Variants in EXTL3 observed in about 807,000 individuals in gnomAD.
EXTL3 encodes exostosin-like 3.
Under a neutral mutation model 69.3 loss-of-function variants are expected in EXTL3, and 27 were observed. That is an observed-to-expected ratio of 0.39 (90% CI 0.29 to 0.54). The LOEUF is 0.54. Ranked by LOEUF, EXTL3 falls within the 20% of genes least tolerant of loss-of-function variation. EXTL3 has a pLI of 0.69. For synonymous variants in EXTL3, 511 were observed against 499.4 expected, an observed-to-expected ratio of 1.02 and a Z score of -0.31; for missense variants, 1,003 against 1,231.8, an observed-to-expected ratio of 0.81 and a Z score of 2.78.
At chr8:28,627,911 G>T (rs1381179100) in intron 1 of EXTL3, among the ~76,000 whole-genome samples, 1 of 152,032 alleles carries the variant, frequency 6.6e-6, no homozygotes, top group Non-Finnish European at 1.5e-5. Flanking sequence ...AAAGCATGGG[G>T]GTTGCCAGAA....
At position 28,716,312 on chromosome 8, in the gene EXTL3, A is replaced by C. The variant is rs764137887; in HGVS notation, c.253A>C (p.Ile85Leu). ...EVKHVLDLCR[I>L]RESVSEELLQ... ...GAAGCACGTGCTGGATCTGTGCCGC[A>C]TCCGGGAGTCGGTGAGTGAAGAGCT... is the stretch of plus-strand genomic sequence containing the variant. The change falls in exon 3 of 7, where the codon ATC (isoleucine) becomes CTC (leucine). Residue 85 changes from isoleucine (I) to leucine (L), a missense_variant. Ile to Leu is a conservative substitution (Grantham distance 5). Transcript: ENST00000220562. The surrounding 1 kb of genome is among the most constrained non-coding windows in gnomAD (Gnocchi z 7.1). 6.2e-7 allele frequency: 1 copy of C among 1,614,120 alleles called. No individual in the cohort carries two copies.
rs539730908 is a variant in EXTL3, at chr8:28,609,654, G to A, written n.314+1896G>A. ...GAATCCCAGCACTTTGGGAGCCCAAGGTGGGTGGATCTCTGGTGGAGCCCA... is the reference window on the plus strand; with the variant it reads ...GAATCCCAGCACTTTGGGAGCCCAAAGTGGGTGGATCTCTGGTGGAGCCCA... On this transcript the variant is annotated intron_variant and non_coding_transcript_variant, in intron 2 of 4. Transcript: ENST00000522725. Among the ~76,000 whole-genome samples, 5 of 152,190 alleles carry A rather than the reference G, an allele frequency of 3.3e-5. No homozygotes were observed. In the South Asian group the frequency reaches 8.3e-4, roughly 25 times the overall value.
chr8:28,661,978 AATAT>A (rs1195019626), intron 1 of EXTL3, among the ~76,000 whole-genome samples: 5 of 150,942 alleles, frequency 3.3e-5, no homozygotes, highest in African/African-American at 1.2e-4. Flanking sequence ...GAAAAGTATA[AATAT>A]ATAATACAAT....
chr8:28,743,341 A>G lies in EXTL3; in HGVS notation c.2550+127A>G, dbSNP rs145489192. ...TTGTACAATAGGGATGATACTACCT[A>G]CCTCATCAAAGGATTGTCTGTGAGC... On this transcript the variant is annotated intron_variant, in intron 6 of 6. Coordinates refer to ENST00000220562, the MANE Select transcript of EXTL3 (RefSeq NM_001440.4). The G allele has an allele frequency of 3.0e-5, 33 of 1,085,386 alleles. No individual in the cohort carries two copies. In the African/African-American group the frequency reaches 3.5e-4, roughly 12 times the overall value. 67.2% of individuals were successfully genotyped at this position (1,085,386 alleles called of 1,614,324 possible). A position where few individuals can be genotyped will look rare whatever the true frequency, so the allele number is the denominator to read the frequency against.
chr8:28,702,542 G>A (rs1332776526), intron 1 of EXTL3, among the ~76,000 whole-genome samples: 3 of 151,938 alleles, frequency 2.0e-5, no homozygotes, highest in African/African-American at 7.3e-5. Context: ...CTTAAATTTT[G>A]TGGATTTTGC....
chr8:28,717,668 C>G lies in EXTL3; in HGVS notation c.1609C>G (p.Arg537Gly), dbSNP rs775024686. 6.2e-7 allele frequency: 1 copy of G among 1,614,114 alleles called. No individual in the cohort carries two copies. Among genetic ancestry groups the G allele is most frequent in the Non-Finnish European group, 8.5e-7 (1 of 1,180,056 alleles). Residue 537 changes from arginine to glycine, a missense_variant, in exon 3 of 7, where the codon CGC becomes GGC. Around this residue, in one of 2 missense-constraint regions of EXTL3, gnomAD observed 742 missense variants for 815.4 expected, o/e 0.91. Coordinates refer to ENST00000220562, the MANE Select transcript of EXTL3 (RefSeq NM_001440.4). This position sits in a 1 kb window ranked among gnomAD's most constrained non-coding sequence, Gnocchi z 8.3. ...FNTVLAMIRTRIQIPAAPIRE... is the reference protein window; with the variant it reads ...FNTVLAMIRTGIQIPAAPIRE... Reference sequence around the variant, plus strand: ...TACCGTGCTGGCTATGATTAGGACTCGCATCCAGATCCCAGCCGCTCCCAT... The same window carrying G: ...TACCGTGCTGGCTATGATTAGGACTGGCATCCAGATCCCAGCCGCTCCCAT...
chr8:28,683,925 A>G (rs1585249691), intron 1 of EXTL3, among the ~76,000 whole-genome samples: 1 of 151,142 alleles, frequency 6.6e-6, no homozygotes, highest in African/African-American at 2.4e-5. Flanking sequence ...CCTTTCCCCC[A>G]CCGCTGCCCT....
At chr8:28,695,294 A>G (rs1260172691) in intron 1 of EXTL3, among the ~76,000 whole-genome samples, 1 of 151,798 alleles carries the variant, frequency 6.6e-6, no homozygotes, top group Admixed American at 6.6e-5. Context: ...ATGCCCGGCT[A>G]ATTTTTGTAT....
At position 28,755,414 on chromosome 8, in the gene EXTL3, AG is replaced by A. The variant is rs1257960741; in HGVS notation, c.*4550del. The A allele has an allele frequency of 6.6e-6, 1 of 152,344 alleles. No individual in the cohort carries two copies. Among genetic ancestry groups the A allele is most frequent in the Non-Finnish European group, 1.5e-5 (1 of 68,062 alleles). The allele number at this position is 152,344 out of a possible 1,614,324, so 9.4% of individuals were successfully genotyped here. On this transcript the variant is annotated 3_prime_UTR_variant, in exon 7 of 7. Transcript: ENST00000220562. The stretch of plus-strand genomic sequence containing the variant: ...GAGGGTCACTTAGAAATCACAGCTT[AG>A]GCAAATTGTTTTACCTTTCTTCATC...
chr8:28,734,349 G>A (rs906268385), intron 4 of EXTL3, among the ~76,000 whole-genome samples: 1 of 152,138 alleles, frequency 6.6e-6, no homozygotes, highest in Admixed American at 6.5e-5. Flanking sequence ...GTTCATTTTT[G>A]TTGTATTTTA....
chr8:28,699,010 C>G (rs1181262204), upstream of EXTL3, among the ~76,000 whole-genome samples: 1 of 151,206 alleles, frequency 6.6e-6, no homozygotes, highest in African/African-American at 2.5e-5. Context: ...AAAACAAAAA[C>G]AAAAAACAAA....
intron 1 of EXTL3, among the ~76,000 whole-genome samples, chr8:28,630,009 C>T (rs1435939630): frequency 2.0e-5 from 3 of 152,190 alleles, no homozygotes; most frequent in African/African-American, 7.2e-5. Context: ...GTTGACTCAT[C>T]ACGATGATGC....
rs1807153223 is a variant in EXTL3 at position 28,663,836 on chromosome 8, A to C, written c.-53+41026A>C. ...AACCTCCCCTCAGCAAGACAGTTTC[A>C]GGCAGAGGCTGGTGTCTCTCAGTTT... On this transcript the variant is annotated intron_variant, in intron 1 of 6. Transcript: ENST00000523149. Among the ~76,000 whole-genome samples the C allele has an allele frequency of 2.6e-5, 4 of 152,320 alleles. No homozygotes were observed. The South Asian group carries it at 8.3e-4, about 32-fold the overall frequency.
chr8:28,632,126 G>T (rs1050950038), intron 1 of EXTL3, among the ~76,000 whole-genome samples: 3 of 151,740 alleles, frequency 2.0e-5, no homozygotes, highest in African/African-American at 7.3e-5. Flanking sequence ...TTTATCTTGG[G>T]CCAGGCGTGG....
chr8:28,711,500 A>G (rs1052987943), intron 1 of EXTL3, among the ~76,000 whole-genome samples: 1 of 152,140 alleles, frequency 6.6e-6, no homozygotes, highest in Non-Finnish European at 1.5e-5. Context: ...AATTTGTGCA[A>G]TAACCCTGGC....
At position 28,750,748 on chromosome 8, in the gene EXTL3, A is replaced by G. The variant is rs748576591; in HGVS notation, c.2642A>G (p.Asn881Ser). The G allele has an allele frequency of 1.2e-6, 2 of 1,614,046 alleles. No homozygotes were observed. The highest frequency in any genetic ancestry group is 1.3e-5 in the African/African-American group (1 of 74,904). The change falls in exon 7 of 7, where the codon AAC becomes AGC. Residue 881 changes from asparagine (N) to serine (S), a missense_variant. Physicochemically the swap from Asn to Ser is conservative, Grantham distance 46 (BLOSUM62 1). This residue lies in a region of EXTL3 where 261 missense variants were observed against 416.4 expected (regional missense o/e 0.63). Transcript: ENST00000220562. This position sits in a 1 kb window ranked among gnomAD's most constrained non-coding sequence, Gnocchi z 5.2. The part of the protein sequence containing the change: ...SHFHERHKCI[N>S]FFVKVYGYMP... The stretch of plus-strand genomic sequence containing the variant: ...TTCCACGAGCGGCACAAGTGCATCA[A>G]CTTCTTCGTGAAGGTGTACGGCTAC...
In EXTL3 at chr8:28,701,589, AC is replaced by A. The variant is rs1283779129; in HGVS notation, c.-639del. ...GGAAGGCGGGCGGCCGGCAGCCAGA[AC>A]GGCTTCTGGGACGCCGACTTTCGCG... On this transcript the variant is annotated 5_prime_UTR_variant, in exon 1 of 7. An upstream open reading frame in the 5' UTR loses its in-frame stop. Coordinates refer to ENST00000220562, the MANE Select transcript of EXTL3 (RefSeq NM_001440.4). The A allele has an allele frequency of 1.9e-5, 3 of 158,718 alleles. No individual in the cohort carries two copies. In the East Asian group the frequency reaches 5.5e-4, roughly 29 times the overall value. The allele number at this position is 158,718 out of a possible 1,614,324, so 9.8% of individuals were successfully genotyped here. A position where few individuals can be genotyped will look rare whatever the true frequency, so the allele number is the denominator to read the frequency against.
chr8:28,742,511 A>C (rs1801801129), intron 5 of EXTL3: 1 of 175,476 alleles, frequency 5.7e-6, no homozygotes, highest in Admixed American at 5.4e-5. Context: ...GGACTAGCAC[A>C]TGGGGAAGAG....
At chr8:28,677,795 A>G (rs1422297865) in intron 1 of EXTL3, among the ~76,000 whole-genome samples, 1 of 152,274 alleles carries the variant, frequency 6.6e-6, no homozygotes, top group East Asian at 1.9e-4. Context: ...TGTGTGCTGC[A>G]CACTCTGAGT....
Sources: gnomAD v4.1 joint callset for allele counts (sites outside exome capture counted in the v4.1 genomes callset) on GRCh38, gnomAD v4.1.1 for gene constraint, gnomAD v4.1.1 regional missense constraint, Gnocchi (gnomAD v3.1) non-coding constraint, MANE v1.5 for transcripts, NCBI Gene and HGNC (gene_info 2026-07-23, HGNC 2026-07-21) for gene names.